METTL8: variants seen among roughly 807,000 people sequenced by gnomAD.
The protein encoded by METTL8 is tRNA N(3)-cytidine methyltransferase METTL8, mitochondrial.
A neutral mutation model predicts 48.7 loss-of-function variants in METTL8; 32 were observed. The observed-to-expected ratio is 0.66, with a 90% CI of 0.50 to 0.88. METTL8 has a LOEUF of 0.88. Among genes scored for constraint, METTL8 ranks in the 40% least tolerant of loss-of-function variants. METTL8 has a pLI of 0.00. For missense variants in METTL8, 464 were observed against 474.4 expected, an observed-to-expected ratio of 0.98 and a Z score of 0.20; for synonymous variants, 136 against 157.1, an observed-to-expected ratio of 0.87 and a Z score of 1.01.
At chr2:171,415,476 C>T (rs1188825684) in intron 1 of METTL8, among the ~76,000 whole-genome samples, 3 of 151,434 alleles carry the variant, frequency 2.0e-5, no homozygotes, top group Non-Finnish European at 4.4e-5. Context: ...CTCAGCCTCC[C>T]AAGTAGCTGG....
intron 1 of METTL8, among the ~76,000 whole-genome samples, chr2:171,394,202 G>C (rs1270728362): frequency 6.6e-6 from 1 of 152,138 alleles, no homozygotes; most frequent in Non-Finnish European, 1.5e-5. Flanking sequence ...TTTCTGCAGT[G>C]AATAGTATTC....
At chr2:171,356,445 A>T (rs1265385501) in intron 3 of METTL8, among the ~76,000 whole-genome samples, 7 of 152,110 alleles carry the variant, frequency 4.6e-5, no homozygotes, top group Admixed American at 4.6e-4. Flanking sequence ...GGCCTCTTCT[A>T]GCTATTTTGA....
intron 3 of METTL8, among the ~76,000 whole-genome samples, chr2:171,341,964 T>C (rs184852699): frequency 2.6e-4 from 39 of 152,116 alleles, no homozygotes; most frequent in African/African-American, 9.2e-4. Context: ...GGGACCACAG[T>C]TGGAAGGAGA....
intron 2 of METTL8, among the ~76,000 whole-genome samples, chr2:171,380,743 AAG>A (rs1687439323): frequency 6.6e-6 from 1 of 152,202 alleles, no homozygotes; most frequent in African/African-American, 2.4e-5. Context: ...TCAAAGAAAT[AAG>A]AGAGGACATA....
intron 1 of METTL8, among the ~76,000 whole-genome samples, chr2:171,431,176 C>T (rs1235560088): frequency 1.3e-5 from 2 of 152,196 alleles, no homozygotes; most frequent in African/African-American, 4.8e-5. Context: ...ATGTTTTGTG[C>T]ACATAAGGGA....
intron 1 of METTL8, among the ~76,000 whole-genome samples, chr2:171,403,032 A>G (rs1668083441): frequency 6.6e-6 from 1 of 152,142 alleles, no homozygotes; most frequent in Non-Finnish European, 1.5e-5. Flanking sequence ...ATAAACAAAT[A>G]AATGAGGGAG....
intron 1 of METTL8, among the ~76,000 whole-genome samples, chr2:171,412,560 A>T (rs969676724): frequency 6.6e-6 from 1 of 152,008 alleles, no homozygotes; most frequent in Non-Finnish European, 1.5e-5. Flanking sequence ...TTTCATGATA[A>T]TATCAACATA....
intron 2 of METTL8, chr2:171,375,009 T>C (rs1215263862): frequency 2.0e-6 from 2 of 1,014,244 alleles, no homozygotes; most frequent in Non-Finnish European, 1.5e-6. Flanking sequence ...CTTTGTGGGC[T>C]TCACGAGATC....
chr2:171,346,051 A>T (rs757169971), intron 3 of METTL8, among the ~76,000 whole-genome samples: 21 of 152,156 alleles, frequency 1.4e-4, no homozygotes, highest in Non-Finnish European at 2.6e-4. Flanking sequence ...GTTTTTTGAG[A>T]CAGGGGCTTA....
intron 2 of METTL8, among the ~76,000 whole-genome samples, chr2:171,377,638 C>G (rs371031086): frequency 6.6e-6 from 1 of 152,084 alleles, no homozygotes; most frequent in Non-Finnish European, 1.5e-5. Flanking sequence ...GAAAAAAATG[C>G]TCAACATCAC....
intron 7 of METTL8, among the ~76,000 whole-genome samples, chr2:171,327,360 C>T (rs2105389026): frequency 6.6e-6 from 1 of 152,302 alleles, no homozygotes; most frequent in Middle Eastern, 3.4e-3. Flanking sequence ...GCCTACAGAG[C>T]TCTGAGAAGG....
chr2:171,363,387 A>G (rs1425690455), intron 2 of METTL8, among the ~76,000 whole-genome samples: 1 of 152,184 alleles, frequency 6.6e-6, no homozygotes, highest in Non-Finnish European at 1.5e-5. Context: ...TAAGAATCAT[A>G]CAACTTTTTA....
intron 3 of METTL8, among the ~76,000 whole-genome samples, chr2:171,358,353 GAA>G (rs750007486): frequency 7.0e-5 from 4 of 57,054 alleles, no homozygotes; most frequent in East Asian, 4.9e-4. Flanking sequence ...TCCGTCTCCA[GAA>G]AAAAAAAAAA....
intron 2 of METTL8, among the ~76,000 whole-genome samples, chr2:171,370,157 A>T (rs1686168584): frequency 6.6e-6 from 1 of 152,098 alleles, no homozygotes; most frequent in Non-Finnish European, 1.5e-5. Context: ...TAAAAAATAA[A>T]CAGACAACCA....
At chr2:171,363,683 A>G (rs1428905746) in intron 2 of METTL8, among the ~76,000 whole-genome samples, 1 of 150,804 alleles carries the variant, frequency 6.6e-6, no homozygotes, top group Non-Finnish European at 1.5e-5. Flanking sequence ...AAAAAATTAT[A>G]GTAAATCAAA....
At chr2:171,412,749 C>G (rs908896871) in intron 1 of METTL8, among the ~76,000 whole-genome samples, 2 of 150,644 alleles carry the variant, frequency 1.3e-5, no homozygotes, top group Admixed American at 6.6e-5. Flanking sequence ...GGCAGTTTCA[C>G]GTAAGCATTT....
intron 2 of METTL8, among the ~76,000 whole-genome samples, chr2:171,362,985 T>C (rs1352586621): frequency 2.0e-5 from 3 of 152,178 alleles, no homozygotes; most frequent in African/African-American, 7.2e-5. Flanking sequence ...CTACCACTTA[T>C]AGGAAAGAAA....
chr2:171,391,231 T>C (rs1559161499), intron 2 of METTL8, among the ~76,000 whole-genome samples: 1 of 152,236 alleles, frequency 6.6e-6, no homozygotes, highest in Non-Finnish European at 1.5e-5. Flanking sequence ...TAATTAGGTT[T>C]GTACACTGTT....
intron 1 of METTL8, among the ~76,000 whole-genome samples, chr2:171,426,408 G>C (rs550570837): frequency 6.6e-6 from 1 of 152,168 alleles, no homozygotes; most frequent in South Asian, 2.1e-4. Context: ...GAGGAAAGAG[G>C]GATCTGGGAA....
Sources: allele counts gnomAD v4.1 joint callset (sites outside exome capture counted in the v4.1 genomes callset), GRCh38; gene constraint gnomAD v4.1.1; transcripts MANE v1.5; gene names NCBI Gene and HGNC (gene_info 2026-07-23, HGNC 2026-07-21).